BCL9: variants seen among roughly 807,000 people sequenced by gnomAD.
The protein encoded by BCL9 is BCL9 transcription coactivator.
A neutral mutation model predicts 88.5 loss-of-function variants in BCL9; 25 were observed. The ratio of observed to expected loss-of-function variants is 0.28; its 90% CI spans 0.21 to 0.39. The LOEUF is 0.39. Among genes scored for constraint, BCL9 ranks in the 10% least tolerant of loss-of-function variants. The pLI is 1.00. For synonymous variants in BCL9, 711 were observed against 673.3 expected, an observed-to-expected ratio of 1.06 and a Z score of -0.87; for missense variants, 1,817 against 1,877.8, an observed-to-expected ratio of 0.97 and a Z score of 0.60.
chr1:147,619,007 A>G lies in BCL9; in HGVS notation c.852A>G (p.Lys284=), dbSNP rs587723085. The change falls in exon 8 of 10, where the codon AAA becomes AAG. Residue 284 remains lysine, a synonymous_variant. Coordinates refer to ENST00000234739, the MANE Select transcript of BCL9 (RefSeq NM_004326.4). The surrounding 1 kb of genome is among the most constrained non-coding windows in gnomAD (Gnocchi z 4.1). Reference sequence around the variant, plus strand: ...GGGAGAGTCCTGGGGTAGAAAACAAACTGATTCCTTCTGTAGGAAGTCCTG... The same window carrying G: ...GGGAGAGTCCTGGGGTAGAAAACAAGCTGATTCCTTCTGTAGGAAGTCCTG... ...LDRESPGVEN[K]LIPSVGSPAS... 6.2e-6 allele frequency: 10 copies of G among 1,610,512 alleles called. No homozygotes were observed. The highest frequency in any genetic ancestry group is 3.3e-5 in the South Asian group (3 of 90,638).
chr1:147,564,793 A>C (rs1224647134), intron 1 of BCL9, among the ~76,000 whole-genome samples: 2 of 152,202 alleles, frequency 1.3e-5, no homozygotes, highest in Non-Finnish European at 2.9e-5. Flanking sequence ...TCTTCTGTTG[A>C]AACAGTTCTC....
chr1:147,573,765 A>G (rs1457025377), intron 1 of BCL9, among the ~76,000 whole-genome samples: 1 of 152,154 alleles, frequency 6.6e-6, no homozygotes, highest in Non-Finnish European at 1.5e-5. Context: ...TGCAGTGAAT[A>G]TTGTTATTTT....
chr1:147,607,758 A>G (rs1657793493), intron 3 of BCL9, among the ~76,000 whole-genome samples: 1 of 152,198 alleles, frequency 6.6e-6, no homozygotes, highest in South Asian at 2.1e-4. Context: ...TTATTAAGAT[A>G]TGGAAAACTG....
At chr1:147,575,539 G>A (rs1238140061) in intron 1 of BCL9, among the ~76,000 whole-genome samples, 1 of 152,112 alleles carries the variant, frequency 6.6e-6, no homozygotes, top group Non-Finnish European at 1.5e-5. Flanking sequence ...CTGTAGTCCT[G>A]TGTTTTCCAT....
intron 1 of BCL9, among the ~76,000 whole-genome samples, chr1:147,576,566 A>G (rs1436035878): frequency 2.0e-5 from 3 of 152,218 alleles, no homozygotes; most frequent in Non-Finnish European, 4.4e-5. Flanking sequence ...ATATACTGTA[A>G]TGAAATATGG....
chr1:147,600,220 G>T (rs587705988), intron 1 of BCL9: 1 of 162,146 alleles, frequency 6.2e-6, no homozygotes, highest in East Asian at 1.8e-4. Context: ...CCGCCGGGGG[G>T]AGACGCTGCG....
chr1:147,615,713 C>G (rs897671376), intron 6 of BCL9, 90 bp from the exon 7 acceptor site: 3 of 955,926 alleles, frequency 3.1e-6, no homozygotes, highest in African/African-American at 1.7e-5. Context: ...CTCTCCCTTA[C>G]AAGTTTATTG....
chr1:147,593,864 G>A (rs113817032), intron 1 of BCL9, among the ~76,000 whole-genome samples: 1,930 of 152,210 alleles, frequency 0.013, 18 homozygotes, highest in Non-Finnish European at 0.019. Flanking sequence ...GGGAAGACTG[G>A]GACCTAGAGT....
intron 2 of BCL9, among the ~76,000 whole-genome samples, chr1:147,605,240 A>G (rs1657626825): frequency 6.6e-6 from 1 of 152,242 alleles, no homozygotes; most frequent in African/African-American, 2.4e-5. Flanking sequence ...AGCTCATTAT[A>G]ATACATGGAT....
chr1:147,619,367 G>A lies in BCL9; in HGVS notation c.1212G>A (p.Gly404=). ...ATGGGCCTCAGAAAAAACCAGAAGG[G>A]CCAATACAGGCCATGATGGCCCAAT... is the stretch of plus-strand genomic sequence containing the variant. ...VLDGPQKKPE[G]PIQAMMAQSQ... is the part of the protein sequence containing the mutation. Residue 404 remains glycine (G), a synonymous_variant, in exon 8 of 10, where the codon GGG becomes GGA. Coordinates refer to ENST00000234739, the MANE Select transcript of BCL9 (RefSeq NM_004326.4). This position sits in a 1 kb window ranked among gnomAD's most constrained non-coding sequence, Gnocchi z 4.1. The A allele has an allele frequency of 6.2e-7, 1 of 1,614,056 alleles. No homozygotes were observed. Among genetic ancestry groups the A allele is most frequent in the African/African-American group, 1.3e-5 (1 of 75,022 alleles).
rs181885537 is a variant in BCL9 at position 147,610,409 on chromosome 1, G to A, written c.-259-1169G>A. ...CCCAGGTAAAATAGCTGAGACTATT[G>A]CAGATTTCTAAATGAAGAAATAGAC... On this transcript the variant is annotated intron_variant, in intron 3 of 9. Coordinates refer to ENST00000234739, the MANE Select transcript of BCL9 (RefSeq NM_004326.4). Among the ~76,000 whole-genome samples, 369 of 152,216 alleles carry A rather than the reference G, an allele frequency of 2.4e-3. 1 individual carries two copies. The highest frequency in any genetic ancestry group is 4.6e-3 in the Non-Finnish European group (316 of 67,998).
At chr1:147,597,381 AATT>A (rs1236951673) in intron 1 of BCL9, among the ~76,000 whole-genome samples, 10 of 152,190 alleles carry the variant, frequency 6.6e-5, no homozygotes, top group Admixed American at 4.6e-4. Context: ...ATGAGAAGCA[AATT>A]TCAGTAAGTG....
At chr1:147,583,606 T>C (rs1656466056) in intron 1 of BCL9, among the ~76,000 whole-genome samples, 2 of 151,940 alleles carry the variant, frequency 1.3e-5, no homozygotes, top group Non-Finnish European at 2.9e-5. Flanking sequence ...ATTTTATGAT[T>C]TTTTTTTACA....
At chr1:147,544,810 T>A (rs2101453948) in intron 1 of BCL9, among the ~76,000 whole-genome samples, 1 of 152,306 alleles carries the variant, frequency 6.6e-6, no homozygotes, top group African/African-American at 2.4e-5. Context: ...CTGACTGGTT[T>A]AGTGATATCA....
intron 1 of BCL9, among the ~76,000 whole-genome samples, chr1:147,570,583 T>G (rs1435532529): frequency 3.3e-5 from 5 of 151,602 alleles, no homozygotes; most frequent in African/African-American, 1.2e-4. Context: ...CCTATCCCTT[T>G]GCCCCCCATT....
rs587757054 is a variant in BCL9 at position 147,565,282 on chromosome 1, C to T, written c.-478+23608C>T. On this transcript the variant is annotated intron_variant, in intron 1 of 9. Transcript: ENST00000234739. The stretch of plus-strand genomic sequence containing the variant: ...GTAAGCTCAAAGAGGCAAAATCACT[C>T]GCTCAAGCCCATGCAACTCTTCAAT... 5.3e-5 allele frequency among the ~76,000 whole-genome samples: 8 copies of T among 152,272 alleles called. No individual in the cohort carries two copies. The East Asian group carries it at 1.2e-3, about 22-fold the overall frequency.
At chr1:147,592,817 T>C (rs1346642023) in intron 1 of BCL9, among the ~76,000 whole-genome samples, 2 of 152,164 alleles carry the variant, frequency 1.3e-5, no homozygotes, top group African/African-American at 4.8e-5. Context: ...ATGTCTACAG[T>C]CATTCATTTA....
At chr1:147,611,497 CTT>C (rs1658000335) in intron 3 of BCL9, 79 bp from the exon 4 acceptor site, 1 of 340,800 alleles carries the variant, frequency 2.9e-6, no homozygotes, top group South Asian at 5.3e-5. Flanking sequence ...TTGGCTAGTG[CTT>C]TCACCTTGAT....
intron 2 of BCL9, among the ~76,000 whole-genome samples, chr1:147,606,122 T>C (rs1211568082): frequency 6.6e-6 from 1 of 152,216 alleles, no homozygotes; most frequent in Non-Finnish European, 1.5e-5. Flanking sequence ...CTCAGTGTCA[T>C]AATTCTAGTT....
Sources: allele counts gnomAD v4.1 joint callset (sites outside exome capture counted in the v4.1 genomes callset), GRCh38; gene constraint gnomAD v4.1.1; non-coding constraint Gnocchi (gnomAD v3.1); transcripts MANE v1.5; gene names NCBI Gene and HGNC (gene_info 2026-07-23, HGNC 2026-07-21).